ABHD2: variants seen among roughly 807,000 people sequenced by gnomAD.
ABHD2 encodes monoacylglycerol lipase ABHD2.
ABHD2 carries 20 observed loss-of-function variants against 48.1 expected under a neutral mutation model. The ratio of observed to expected loss-of-function variants is 0.42; its 90% CI spans 0.29 to 0.60. The LOEUF (loss-of-function observed/expected upper bound fraction) is 0.60. Ranked by LOEUF, ABHD2 falls within the 20% of genes least tolerant of loss-of-function variation. The probability of loss-of-function intolerance (pLI) is 0.24; values close to 1 mark genes in which losing one functional copy is unlikely to be tolerated. For missense variants in ABHD2, 405 were observed against 550.9 expected (o/e 0.74, Z 2.65); for synonymous variants, 209 against 214.2 (o/e 0.98, Z 0.21).
At chr15:89,051,440 A>G in the ABHD2 span, among the ~76,000 whole-genome samples, 1 of 152,166 alleles carries the variant, frequency 6.6e-6, no homozygotes, top group African/African-American at 2.4e-5. Context: ...CAAGATGAAC[A>G]CCGTAGCTCA....
intron 3 of ABHD2, among the ~76,000 whole-genome samples, chr15:89,128,494 C>T (rs1287614370): frequency 6.6e-6 from 1 of 152,182 alleles, no homozygotes; most frequent in African/African-American, 2.4e-5. Flanking sequence ...TTGCCGTCAC[C>T]ACAGCTACTC....
rs143291941 is a variant in ABHD2, at chr15:89,162,856, C to A, written c.538+7322C>A. 1.2e-3 allele frequency among the ~76,000 whole-genome samples: 184 copies of A among 152,320 alleles called. 2 individuals carry two copies. The East Asian group carries it at 0.03, about 25-fold the overall frequency. On this transcript the variant is annotated intron_variant, in intron 5 of 10. Transcript: ENST00000352732. Reference sequence around the variant, plus strand: ...TCACTCCATGAGAGCAGGCAGTTTTCGCACTCCCTGCTGTAGTTCCCCAGT... The same window carrying A: ...TCACTCCATGAGAGCAGGCAGTTTTAGCACTCCCTGCTGTAGTTCCCCAGT...
At chr15:89,103,861 C>T (rs2150790037) in intron 1 of ABHD2, 1 of 152,230 alleles carries the variant, frequency 6.6e-6, no homozygotes, top group East Asian at 1.9e-4. Context: ...ATGTTCAGCA[C>T]CAGATAGGTG....
At chr15:89,162,782 T>C (rs2050782071) in intron 5 of ABHD2, among the ~76,000 whole-genome samples, 1 of 152,126 alleles carries the variant, frequency 6.6e-6, no homozygotes, top group Middle Eastern at 3.2e-3. Flanking sequence ...TCATAACCTG[T>C]GAAATTATTT....
Position 89,127,724 on chromosome 15 carries a change from T to TATATATATATATATATATATATATAC in ABHD2, c.194+11219_194+11220insATATATATACATATATATATATATAT, listed in dbSNP as rs1567080086. On this transcript the variant is annotated intron_variant, in intron 3 of 10. Transcript: ENST00000352732. ...ATATATACATATATATATATACACA[T>TATATATATATATATATATATATATAC]ATATATATATATATATGTATATTTT... 5.8e-3 allele frequency among the ~76,000 whole-genome samples: 409 copies of TATATATATATATATATATATATATAC among 70,572 alleles called. 12 individuals are homozygous for TATATATATATATATATATATATATAC. The highest frequency in any genetic ancestry group is 0.018 in the African/African-American group (379 of 20,648). The allele number at this position is 70,572 out of a possible 152,430, so 46.3% of individuals were successfully genotyped here.
chr15:89,128,101 C>T (rs1368342942), intron 3 of ABHD2, among the ~76,000 whole-genome samples: 6 of 152,210 alleles, frequency 3.9e-5, no homozygotes, highest in Non-Finnish European at 5.9e-5. Flanking sequence ...AGTCAGTACA[C>T]ACTAACTTCA....
At chr15:89,159,128 G>A (rs908332223) in intron 5 of ABHD2, among the ~76,000 whole-genome samples, 3 of 151,760 alleles carry the variant, frequency 2.0e-5, no homozygotes, top group Admixed American at 6.6e-5. Context: ...TGTAATCCCA[G>A]CACTTTGGGA....
rs77074697 is a variant in ABHD2, at chr15:89,103,695, C to G, written c.-106-10030C>G. ...GTAGTGTAGAGACACAAATGGGATC[C>G]TCTCCCTCCTCTGACATCCAGAATC... On this transcript the variant is annotated intron_variant, in intron 1 of 10. Coordinates refer to ENST00000352732, the MANE Select transcript of ABHD2 (RefSeq NM_152924.5). 1.3e-4 allele frequency among the ~76,000 whole-genome samples: 20 copies of G among 152,242 alleles called. No homozygotes were observed. In the East Asian group the frequency reaches 3.5e-3, roughly 27 times the overall value.
At chr15:89,125,895 A>G (rs1165857093) in intron 3 of ABHD2, among the ~76,000 whole-genome samples, 1 of 152,176 alleles carries the variant, frequency 6.6e-6, no homozygotes, top group Non-Finnish European at 1.5e-5. Context: ...GCTTCTTCTT[A>G]GAGACTTTAT....
intron 1 of ABHD2, among the ~76,000 whole-genome samples, chr15:89,111,745 T>G (rs293400): frequency 6.6e-6 from 1 of 152,042 alleles, no homozygotes; most frequent in Non-Finnish European, 1.5e-5. Flanking sequence ...ACCAGTCTTA[T>G]ACATTTCCAT....
intron 2 of ABHD2, among the ~76,000 whole-genome samples, chr15:89,115,125 A>C (rs2049934261): frequency 6.6e-6 from 1 of 152,198 alleles, no homozygotes; most frequent in African/African-American, 2.4e-5. Flanking sequence ...AGCACTGGCT[A>C]CCAGAGCTCT....
At chr15:89,068,953 GA>G in the ABHD2 span, among the ~76,000 whole-genome samples, 1 of 150,710 alleles carries the variant, frequency 6.6e-6, no homozygotes, top group Non-Finnish European at 1.5e-5. Context: ...ATTTTTAGTA[GA>G]AATGGGGTTT....
intron 8 of ABHD2, among the ~76,000 whole-genome samples, chr15:89,190,611 A>G (rs1027084136): frequency 3.9e-5 from 6 of 152,344 alleles, no homozygotes; most frequent in South Asian, 4.1e-4. Context: ...GAGATGTAAC[A>G]TACACTAATA....
At chr15:89,124,264 C>G (rs2050098909) in intron 3 of ABHD2, among the ~76,000 whole-genome samples, 1 of 152,202 alleles carries the variant, frequency 6.6e-6, no homozygotes, top group African/African-American at 2.4e-5. Context: ...TCTTTTCTGC[C>G]TACTTGTTAT....
chr15:89,063,116 C>G, the ABHD2 span, among the ~76,000 whole-genome samples: 3 of 151,988 alleles, frequency 2.0e-5, no homozygotes, highest in Non-Finnish European at 2.9e-5. Flanking sequence ...TACAGGCGCA[C>G]GCCACCATGC....
chr15:89,158,873 A>C (rs760667813), intron 5 of ABHD2, among the ~76,000 whole-genome samples: 10 of 151,800 alleles, frequency 6.6e-5, no homozygotes, highest in Non-Finnish European at 1.5e-4. Context: ...TATGTTGTCC[A>C]GGCTGGTCTC....
intron 6 of ABHD2, chr15:89,183,378 A>T (rs1432556342): frequency 3.7e-4 from 22 of 59,534 alleles, no homozygotes; most frequent in African/African-American, 1.7e-3. Context: ...CAAAAAAAAA[A>T]AAAAAAATAT....
intron 6 of ABHD2, among the ~76,000 whole-genome samples, chr15:89,181,248 A>AAAAC (rs1349391658): frequency 1.3e-5 from 2 of 151,612 alleles, no homozygotes; most frequent in South Asian, 2.1e-4. Flanking sequence ...AAAAAAAAAA[A>AAAAC]AACAAGATGG....
At chr15:89,042,748 G>A in the ABHD2 span, among the ~76,000 whole-genome samples, 2 of 151,964 alleles carry the variant, frequency 1.3e-5, no homozygotes, top group Non-Finnish European at 2.9e-5. Flanking sequence ...CCGGGTTCAA[G>A]TGACTCTCAT....
Sources: allele counts gnomAD v4.1 joint callset (sites outside exome capture counted in the v4.1 genomes callset), GRCh38; gene constraint gnomAD v4.1.1; transcripts MANE v1.5; gene names NCBI Gene and HGNC (gene_info 2026-07-23, HGNC 2026-07-21).